PXN: variants seen among roughly 807,000 people sequenced by gnomAD.
The protein encoded by PXN is testicular tissue protein Li 134.
PXN carries 61 observed loss-of-function variants against 103.6 expected under a neutral mutation model. The ratio of observed to expected loss-of-function variants is 0.59; its 90% CI spans 0.48 to 0.73. The LOEUF (loss-of-function observed/expected upper bound fraction) is 0.73, where lower values mean the gene tolerates loss of function less well. Ranked by LOEUF, PXN falls within the 30% of genes least tolerant of loss-of-function variation. PXN has a pLI of 0.00. For synonymous variants in PXN, 562 were observed against 607.8 expected, an observed-to-expected ratio of 0.92 and a Z score of 1.11; for missense variants, 1,274 against 1,460.3, an observed-to-expected ratio of 0.87 and a Z score of 2.08.
At position 120,221,542 on chromosome 12, in the gene PXN, C is replaced by T. The variant is rs1036222609; in HGVS notation, c.831+81G>A. ...ACCCAAACACTGAGATGCCAAGATC[C>T]AGCTACCCACACTGAGGTAAGGGAG... is the stretch of plus-strand genomic sequence containing the variant. On this transcript the variant is annotated intron_variant, in intron 6 of 14. Coordinates refer to ENST00000637617, the MANE Select transcript of PXN (RefSeq NM_001385981.1). The surrounding 1 kb of genome is among the most constrained non-coding windows in gnomAD (Gnocchi z 6.6). 5.5e-6 allele frequency: 8 copies of T among 1,443,250 alleles called. No homozygotes were observed. The highest frequency in any genetic ancestry group is 7.5e-6 in the Non-Finnish European group (8 of 1,073,598). The allele number at this position is 1,443,250 out of a possible 1,614,324, so 89.4% of individuals were successfully genotyped here. A position where few individuals can be genotyped will look rare whatever the true frequency, so the allele number is the denominator to read the frequency against.
At chr12:120,258,062 G>A (rs1299108899) in intron 1 of PXN, among the ~76,000 whole-genome samples, 1 of 152,026 alleles carries the variant, frequency 6.6e-6, no homozygotes, top group Non-Finnish European at 1.5e-5. Context: ...GCGTGATGAC[G>A]CACGCCCATA....
chr12:120,212,302 G>C lies in PXN; in HGVS notation c.*12C>G. 6.2e-7 allele frequency: 1 copy of C among 1,607,740 alleles called. No homozygotes were observed. The highest frequency in any genetic ancestry group is 2.2e-5 in the East Asian group (1 of 44,670). Reference sequence around the variant, plus strand: ...TGGCTGGGGAAGGGGGGCAGAGACAGGGGCAGGGCACCTAGCAGAAGAGCT... The same window carrying C: ...TGGCTGGGGAAGGGGGGCAGAGACACGGGCAGGGCACCTAGCAGAAGAGCT... On this transcript the variant is annotated 3_prime_UTR_variant, in exon 15 of 15. Coordinates refer to ENST00000637617, the MANE Select transcript of PXN (RefSeq NM_001385981.1). This position sits in a 1 kb window ranked among gnomAD's most constrained non-coding sequence, Gnocchi z 7.2.
chr12:120,218,690 A>C (rs1173335505), intron 7 of PXN, among the ~76,000 whole-genome samples: 1 of 152,200 alleles, frequency 6.6e-6, no homozygotes, highest in Non-Finnish European at 1.5e-5. Context: ...ATAAAGTTTT[A>C]ATTTAAGCAA....
At chr12:120,259,666 C>T (rs1159744011) in intron 1 of PXN, among the ~76,000 whole-genome samples, 1 of 152,092 alleles carries the variant, frequency 6.6e-6, no homozygotes, top group Non-Finnish European at 1.5e-5. Flanking sequence ...GTTAGGCAAT[C>T]GGTTAGTTAG....
In PXN at chr12:120,217,167, A is replaced by G. The variant is rs1419573932; in HGVS notation, c.1717-51T>C. On this transcript the variant is annotated intron_variant, in intron 7 of 14. Coordinates refer to ENST00000637617, the MANE Select transcript of PXN (RefSeq NM_001385981.1). This position sits in a 1 kb window ranked among gnomAD's most constrained non-coding sequence, Gnocchi z 4.1. ...TCACCGTCCCACTCCCAGCTTGCAC[A>G]ACGCTGCTCAGGCCACACTCAGATG... 7 of 1,425,794 alleles carry G rather than the reference A, an allele frequency of 4.9e-6. No homozygotes were observed. The highest frequency in any genetic ancestry group is 4.8e-6 in the Non-Finnish European group (5 of 1,044,488). The allele number at this position is 1,425,794 out of a possible 1,614,324, so 88.3% of individuals were successfully genotyped here.
chr12:120,240,202 G>A (rs1241319577), intron 1 of PXN, among the ~76,000 whole-genome samples: 1 of 152,058 alleles, frequency 6.6e-6, no homozygotes, highest in Non-Finnish European at 1.5e-5. Context: ...CAATCATAAA[G>A]CAGTCCTGGT....
chr12:120,264,859 C>T (rs1177695262), intron 1 of PXN, among the ~76,000 whole-genome samples: 1 of 151,910 alleles, frequency 6.6e-6, no homozygotes, highest in African/African-American at 2.4e-5. Context: ...CCATGGTAGA[C>T]GGACTGGTCT....
At chr12:120,233,270 C>CTCCT (rs1888409288) in intron 1 of PXN, among the ~76,000 whole-genome samples, 1 of 152,188 alleles carries the variant, frequency 6.6e-6, no homozygotes, top group Non-Finnish European at 1.5e-5. Context: ...CAAGAACATC[C>CTCCT]TCCTGCTCCT....
In PXN at chr12:120,218,201, C is replaced by T. The variant is rs201323415; in HGVS notation, c.1716+1006G>A. 7.2e-5 allele frequency among the ~76,000 whole-genome samples: 11 copies of T among 151,994 alleles called. No individual in the cohort carries two copies. In the East Asian group the frequency reaches 7.8e-4, roughly 11 times the overall value. ...CTGGGACTATAGGCATGTGCAACCA[C>T]GCCCAGCTAATCTTTAATTTTTTGT... On this transcript the variant is annotated intron_variant, in intron 7 of 14. Transcript: ENST00000637617.
At chr12:120,263,013 A>G (rs950885633) in intron 1 of PXN, among the ~76,000 whole-genome samples, 2 of 152,096 alleles carry the variant, frequency 1.3e-5, no homozygotes, top group Non-Finnish European at 2.9e-5. Context: ...CCCATTTTTT[A>G]TTAGACCAAA....
chr12:120,237,668 G>A (rs1889352872), intron 1 of PXN, among the ~76,000 whole-genome samples: 1 of 152,148 alleles, frequency 6.6e-6, no homozygotes, highest in East Asian at 1.9e-4. Flanking sequence ...CTGACCCTCA[G>A]TGACCCTTTT....
At chr12:120,258,698 T>G (rs967554955) in intron 1 of PXN, among the ~76,000 whole-genome samples, 1 of 152,228 alleles carries the variant, frequency 6.6e-6, no homozygotes, top group Non-Finnish European at 1.5e-5. Context: ...TTTACCACTT[T>G]GTGTAAACGC....
At chr12:120,241,080 T>G (rs1356101742) in intron 1 of PXN, among the ~76,000 whole-genome samples, 1 of 152,192 alleles carries the variant, frequency 6.6e-6, no homozygotes, top group Non-Finnish European at 1.5e-5. Context: ...ACCTGAAGTT[T>G]CACTACCATG....
chr12:120,232,741 C>G (rs1888302651), intron 1 of PXN, among the ~76,000 whole-genome samples: 1 of 152,186 alleles, frequency 6.6e-6, no homozygotes, highest in African/African-American at 2.4e-5. Context: ...GAGTCATCGT[C>G]CCACAGAGAC....
chr12:120,220,610 C>T lies in PXN; in HGVS notation c.832-519G>A, dbSNP rs1030658785. On this transcript the variant is annotated intron_variant, in intron 6 of 14. Transcript: ENST00000637617. This position sits in a 1 kb window ranked among gnomAD's most constrained non-coding sequence, Gnocchi z 6.1. ...TCAGGACACAGGCTGTCTGAGAAAA[C>T]GGCAGCCTTAAAAGCACCGGGGCAC... 6.6e-6 allele frequency among the ~76,000 whole-genome samples: 1 copy of T among 152,188 alleles called. No individual in the cohort carries two copies. The highest frequency in any genetic ancestry group is 2.4e-5 in the African/African-American group (1 of 41,430).
In PXN at chr12:120,228,971, G is replaced by A. The variant is rs186109027; in HGVS notation, c.14-4594C>T. 7.2e-5 allele frequency among the ~76,000 whole-genome samples: 11 copies of A among 152,316 alleles called. No individual in the cohort carries two copies. In the East Asian group the frequency reaches 1.7e-3, roughly 24 times the overall value. On this transcript the variant is annotated intron_variant, in intron 1 of 14. Transcript: ENST00000637617. This position sits in a 1 kb window ranked among gnomAD's most constrained non-coding sequence, Gnocchi z 4.7. Reference sequence around the variant, plus strand: ...CCTGGGCCTCAGCAACTGACTGAGCGTAATCCTTACAACCGGTGGGAGCCG... The same window carrying A: ...CCTGGGCCTCAGCAACTGACTGAGCATAATCCTTACAACCGGTGGGAGCCG...
chr12:120,225,935 G>T lies in PXN; in HGVS notation c.14-1558C>A. 1 of 430,466 alleles carries T rather than the reference G, an allele frequency of 2.3e-6. No individual in the cohort carries two copies. Among genetic ancestry groups the T allele is most frequent in the Non-Finnish European group, 3.3e-6 (1 of 301,876 alleles). The allele number at this position is 430,466 out of a possible 1,614,324, so 26.7% of individuals were successfully genotyped here. ...CCATGCTCCTGCCCAGATGGACAGA[G>T]GGGATGTCTGTTCCAAGGCCCAGGA... On this transcript the variant is annotated intron_variant, in intron 1 of 14. Coordinates refer to ENST00000637617, the MANE Select transcript of PXN (RefSeq NM_001385981.1). The surrounding 1 kb of genome is among the most constrained non-coding windows in gnomAD (Gnocchi z 4.4).
chr12:120,260,219 G>C (rs1263172456), intron 1 of PXN, among the ~76,000 whole-genome samples: 1 of 152,124 alleles, frequency 6.6e-6, no homozygotes, highest in Non-Finnish European at 1.5e-5. Flanking sequence ...CCCCAAGAAA[G>C]AACAAAAAGG....
rs1886425435 is a variant in PXN, at chr12:120,224,971, C to T, written c.14-594G>A. 2.9e-6 allele frequency: 1 copy of T among 344,688 alleles called. No homozygotes were observed. Among genetic ancestry groups the T allele is most frequent in the African/African-American group, 2.1e-5 (1 of 46,676 alleles). The allele number at this position is 344,688 out of a possible 1,614,324, so 21.4% of individuals were successfully genotyped here. On this transcript the variant is annotated intron_variant, in intron 1 of 14. Transcript: ENST00000637617. The surrounding 1 kb of genome is among the most constrained non-coding windows in gnomAD (Gnocchi z 5.0). ...CGGGGAGGTGGGGGCTGGAGTGAGG[C>T]TGGTGCAGCGGTCCCCACCCCCTCA... is the stretch of plus-strand genomic sequence containing the variant.
Sources: gnomAD v4.1 joint callset for allele counts (sites outside exome capture counted in the v4.1 genomes callset) on GRCh38, gnomAD v4.1.1 for gene constraint, Gnocchi (gnomAD v3.1) non-coding constraint, MANE v1.5 for transcripts, NCBI Gene and HGNC (gene_info 2026-07-23, HGNC 2026-07-21) for gene names.